Variants in MGAT5 observed in about 807,000 individuals in gnomAD.
MGAT5 encodes alpha-1,6-mannosylglycoprotein 6-beta-N-acetylglucosaminyltransferase A.
In MGAT5, 30 loss-of-function variants were observed where a neutral mutation model predicts 94.3. The observed-to-expected ratio is 0.32, with a 90% CI of 0.24 to 0.43. The LOEUF (loss-of-function observed/expected upper bound fraction) is 0.43. MGAT5 is among the 20% of genes least tolerant of loss of function. The pLI, the probability that MGAT5 is intolerant of heterozygous loss-of-function variation, is 1.00. For missense variants in MGAT5, 691 were observed against 905.5 expected (o/e 0.76, Z 3.04); for synonymous variants, 310 against 322.9 (o/e 0.96, Z 0.43).
chr2:134,122,243 T>TA (rs112992576), intron 1 of MGAT5, among the ~76,000 whole-genome samples: 3 of 152,244 alleles, frequency 2.0e-5, no homozygotes, highest in African/African-American at 7.2e-5. Context: ...TAGCTGGGAT[T>TA]ACAGGCGCCC....
intron 2 of MGAT5, among the ~76,000 whole-genome samples, chr2:134,314,572 ACT>A (rs1686889091): frequency 6.6e-6 from 1 of 152,184 alleles, no homozygotes; most frequent in Admixed American, 6.5e-5. Flanking sequence ...TAACGTGATC[ACT>A]CTCTGCAGTA....
At chr2:134,370,031 GT>G in intron 10 of MGAT5, among the ~76,000 whole-genome samples, 1 of 152,238 alleles carries the variant, frequency 6.6e-6, no homozygotes, top group East Asian at 1.9e-4. Flanking sequence ...CTCAGACTAG[GT>G]GACTGCTGCA....
In MGAT5 at chr2:134,403,012, A is replaced by T. The variant is rs750681059; in HGVS notation, c.1405A>T (p.Ile469Phe). The change falls in exon 11 of 16, where the codon ATT becomes TTT. Residue 469 changes from isoleucine (I) to phenylalanine (F), a missense_variant. Ile to Phe is a conservative substitution (Grantham distance 21). Around this residue, in one of 4 missense-constraint regions of MGAT5, gnomAD observed 260 missense variants for 347.0 expected, o/e 0.75. Coordinates refer to ENST00000281923, the MANE Select transcript of MGAT5 (RefSeq NM_002410.5). ...GAATAAGAAGATCTACTTGGACATT[A>T]TTCACACATACATGGAAGTGCATGC... ...WKNKKIYLDI[I>F]HTYMEVHATV... 1.2e-6 allele frequency: 2 copies of T among 1,600,418 alleles called. No individual in the cohort carries two copies. The highest frequency in any genetic ancestry group is 1.1e-5 in the South Asian group (1 of 87,640).
intron 2 of MGAT5, among the ~76,000 whole-genome samples, chr2:134,293,559 A>G (rs750475963): frequency 1.3e-4 from 20 of 151,854 alleles, no homozygotes; most frequent in Non-Finnish European, 2.8e-4. Flanking sequence ...ACCTCTGCCC[A>G]CCAGGCTCAA....
At chr2:134,414,155 GTGTGGT>G (rs1683829774) in intron 12 of MGAT5, among the ~76,000 whole-genome samples, 1 of 137,650 alleles carries the variant, frequency 7.3e-6, no homozygotes, top group Non-Finnish European at 1.5e-5. Context: ...GTGTGTGTGT[GTGTGGT>G]TTTTTTTTTT....
intron 1 of MGAT5, among the ~76,000 whole-genome samples, chr2:134,219,214 C>T (rs1573546130): frequency 6.6e-6 from 1 of 152,146 alleles, no homozygotes; most frequent in East Asian, 1.9e-4. Flanking sequence ...AATGGCTGAG[C>T]GAGAAAGCAA....
intron 2 of MGAT5, among the ~76,000 whole-genome samples, chr2:134,284,893 G>C (rs1684911847): frequency 6.6e-6 from 1 of 152,170 alleles, no homozygotes; most frequent in South Asian, 2.1e-4. Flanking sequence ...ATAGTTTAAG[G>C]CTCAAGAGTG....
chr2:134,381,415 T>C (rs1421599813), intron 10 of MGAT5, among the ~76,000 whole-genome samples: 8 of 128,302 alleles, frequency 6.2e-5, no homozygotes, highest in African/African-American at 1.8e-4. Flanking sequence ...GATAGATAGA[T>C]AGATAGATAG....
intron 14 of MGAT5, among the ~76,000 whole-genome samples, chr2:134,429,150 AAG>A (rs1377688741): frequency 1.3e-5 from 2 of 151,990 alleles, no homozygotes; most frequent in African/African-American, 4.9e-5. Context: ...GCTCTTCCTA[AAG>A]GATAAAGCAT....
chr2:134,405,838 C>T (rs1683301785), intron 11 of MGAT5, among the ~76,000 whole-genome samples: 1 of 152,224 alleles, frequency 6.6e-6, no homozygotes, highest in African/African-American at 2.4e-5. Flanking sequence ...TTTGTCCAGG[C>T]ATGCCATTAG....
At chr2:134,297,187 A>T (rs921119270) in intron 2 of MGAT5, among the ~76,000 whole-genome samples, 24 of 102,454 alleles carry the variant, frequency 2.3e-4, no homozygotes, top group African/African-American at 3.7e-4. Flanking sequence ...ACAGACTGAG[A>T]CCTGGTCTCA....
intron 14 of MGAT5, 121 bp downstream of exon 14, chr2:134,428,560 C>T: frequency 2.4e-6 from 2 of 826,756 alleles, no homozygotes; most frequent in Non-Finnish European, 3.9e-6. Flanking sequence ...CTTTGGGAGA[C>T]TCTAGAAGCT....
chr2:134,384,653 G>A (rs763364235), intron 10 of MGAT5, among the ~76,000 whole-genome samples: 59 of 152,180 alleles, frequency 3.9e-4, no homozygotes, highest in Non-Finnish European at 7.9e-4. Flanking sequence ...TGGTGTACAA[G>A]CATTTATGCT....
At chr2:134,248,615 G>A (rs780485987) in intron 1 of MGAT5, among the ~76,000 whole-genome samples, 3 of 152,208 alleles carry the variant, frequency 2.0e-5, no homozygotes, top group Admixed American at 6.5e-5. Context: ...TGATGACTAT[G>A]AAGTAGCTCA....
At chr2:134,131,283 T>C (rs2104911936) in intron 1 of MGAT5, among the ~76,000 whole-genome samples, 1 of 152,248 alleles carries the variant, frequency 6.6e-6, no homozygotes, top group Admixed American at 6.5e-5. Context: ...ATTCTTGAAG[T>C]CAATGAGACC....
In MGAT5 at chr2:134,261,423, A is replaced by T. The variant is rs567978831; in HGVS notation, c.241+6779A>T. 3.9e-5 allele frequency among the ~76,000 whole-genome samples: 6 copies of T among 152,284 alleles called. No individual in the cohort carries two copies. The East Asian group carries it at 1.2e-3, about 29-fold the overall frequency. On this transcript the variant is annotated intron_variant, in intron 1 of 15. Transcript: ENST00000281923. ...CGCACCCCCTCAAGTCTACTAAGGC[A>T]TGGTGGCTCTCTTCTAGGACAAGAC...
chr2:134,153,865 A>G (rs12470331), intron 1 of MGAT5, among the ~76,000 whole-genome samples: 26,344 of 152,038 alleles, frequency 0.17, 2,467 homozygotes, highest in South Asian at 0.23. Context: ...TAATGCTATG[A>G]GGGTTAAGGC....
intron 1 of MGAT5, among the ~76,000 whole-genome samples, chr2:134,233,664 G>A (rs1363981056): frequency 1.3e-5 from 2 of 152,204 alleles, no homozygotes; most frequent in Non-Finnish European, 1.5e-5. Context: ...GGGGCTCATT[G>A]TAGGAGTCAT....
chr2:134,257,691 C>A lies in MGAT5; in HGVS notation c.241+3047C>A, dbSNP rs578016305. 7.9e-5 allele frequency among the ~76,000 whole-genome samples: 12 copies of A among 152,284 alleles called. 1 individual carries two copies. In the South Asian group the frequency reaches 2.5e-3, roughly 32 times the overall value. ...TGATGATATATGCTTCCCTTGGAAT[C>A]TGTCAGTATCAGTAACATTGTGTGA... On this transcript the variant is annotated intron_variant, in intron 1 of 15. Transcript: ENST00000281923.
Sources: allele counts gnomAD v4.1 joint callset (sites outside exome capture counted in the v4.1 genomes callset), GRCh38; gene constraint gnomAD v4.1.1; regional missense constraint gnomAD v4.1.1; transcripts MANE v1.5; gene names NCBI Gene and HGNC (gene_info 2026-07-23, HGNC 2026-07-21).